Variants in CCDC150 observed in about 807,000 individuals in gnomAD.
CCDC150 encodes coiled-coil domain-containing protein 150.
A neutral mutation model predicts 156.5 loss-of-function variants in CCDC150; 151 were observed. The observed-to-expected ratio is 0.97, with a 90% CI of 0.85 to 1.10. The LOEUF (loss-of-function observed/expected upper bound fraction) is 1.10. Among genes scored for constraint, CCDC150 ranks in the 50% least tolerant of loss-of-function variants. The probability of loss-of-function intolerance (pLI) is 0.00; values close to 1 mark genes in which losing one functional copy is unlikely to be tolerated. For missense variants in CCDC150, 1,312 were observed against 1,268.1 expected (o/e 1.03, Z -0.53); for synonymous variants, 452 against 429.4 (o/e 1.05, Z -0.65).
At chr2:196,686,938 C>A (rs1240682126) in intron 13 of CCDC150, among the ~76,000 whole-genome samples, 1 of 152,172 alleles carries the variant, frequency 6.6e-6, no homozygotes, top group Non-Finnish European at 1.5e-5. Context: ...AGGACGTGAT[C>A]TCATTCTTTT....
At chr2:196,666,907 A>G in intron 7 of CCDC150, 59 bp downstream of exon 7, 1 of 1,586,726 alleles carries the variant, frequency 6.3e-7, no homozygotes, top group South Asian at 1.1e-5. Context: ...TTCATGGAAA[A>G]ACTCTTAAGA....
At chr2:196,670,930 GC>G (rs1439416317) in intron 8 of CCDC150, among the ~76,000 whole-genome samples, 1 of 152,074 alleles carries the variant, frequency 6.6e-6, no homozygotes, top group Non-Finnish European at 1.5e-5. Context: ...AATACCTTCT[GC>G]CCCTATTCAT....
At chr2:196,730,322 T>G (rs537496637) in intron 25 of CCDC150, among the ~76,000 whole-genome samples, 5 of 152,238 alleles carry the variant, frequency 3.3e-5, no homozygotes, top group Non-Finnish European at 7.3e-5. Context: ...ATTTTCAGTT[T>G]AATAAAAGTA....
At chr2:196,729,910 A>C (rs748237914) in intron 24 of CCDC150, 47 bp from the exon 25 acceptor site, 3 of 1,605,886 alleles carry the variant, frequency 1.9e-6, no homozygotes, top group Non-Finnish European at 2.6e-6. Context: ...CAAAATCTCA[A>C]ACTTGGAGGG....
rs1698588282 is a variant in CCDC150 at position 196,732,699 on chromosome 2, T to G, written c.*137T>G. 3 of 628,984 alleles carry G rather than the reference T, an allele frequency of 4.8e-6. No individual in the cohort carries two copies. The highest frequency in any genetic ancestry group is 8.5e-6 in the Non-Finnish European group (3 of 352,700). The allele number at this position is 628,984 out of a possible 1,614,324, so 39.0% of individuals were successfully genotyped here. A position where few individuals can be genotyped will look rare whatever the true frequency, so the allele number is the denominator to read the frequency against. Reference sequence around the variant, plus strand: ...GGGCTGAAGATTTTGGACCTGAGTTTATCACTTTATGAACTCTTATATCAG... The same window carrying G: ...GGGCTGAAGATTTTGGACCTGAGTTGATCACTTTATGAACTCTTATATCAG... On this transcript the variant is annotated 3_prime_UTR_variant, in exon 28 of 28. Transcript: ENST00000389175.
chr2:196,686,116 C>A, intron 13 of CCDC150: 1 of 203,586 alleles, frequency 4.9e-6, no homozygotes, highest in Non-Finnish European at 1.0e-5. Context: ...CTTTTACACT[C>A]ATTCCCACAG....
At chr2:196,724,561 T>C (rs1329371282) in intron 21 of CCDC150, among the ~76,000 whole-genome samples, 2 of 152,130 alleles carry the variant, frequency 1.3e-5, no homozygotes, top group Non-Finnish European at 2.9e-5. Flanking sequence ...GTTACTGTTG[T>C]TATTCCCATT....
chr2:196,680,352 G>A (rs1056572943), intron 13 of CCDC150, among the ~76,000 whole-genome samples: 65 of 151,676 alleles, frequency 4.3e-4, no homozygotes, highest in Admixed American at 1.3e-4. Flanking sequence ...GCTGCAGGGC[G>A]GTGACACAAT....
At chr2:196,677,039 G>C in intron 12 of CCDC150, 2 of 681,258 alleles carry the variant, frequency 2.9e-6, no homozygotes, top group African/African-American at 1.8e-5. Flanking sequence ...CGAAGGTTAA[G>C]GGGGAACAGC....
chr2:196,640,990 C>T (rs1575732829), intron 1 of CCDC150, among the ~76,000 whole-genome samples: 1 of 151,668 alleles, frequency 6.6e-6, no homozygotes, highest in Non-Finnish European at 1.5e-5. Context: ...TTTTTTGAAA[C>T]GGAGTCTCGC....
chr2:196,672,724 T>C (rs946902815), intron 9 of CCDC150, among the ~76,000 whole-genome samples: 2 of 152,208 alleles, frequency 1.3e-5, no homozygotes, highest in African/African-American at 4.8e-5. Context: ...ATTAAATATA[T>C]GTATTTCCCC....
At chr2:196,698,787 C>G (rs1695983883) in intron 14 of CCDC150, among the ~76,000 whole-genome samples, 1 of 152,048 alleles carries the variant, frequency 6.6e-6, no homozygotes, top group African/African-American at 2.4e-5. Context: ...TGTGCTGCAC[C>G]CATTAACTCG....
rs748257358 is a variant in CCDC150 at position 196,658,862 on chromosome 2, T to G, written c.645+2T>G. The G allele has an allele frequency of 1.9e-6, 3 of 1,593,934 alleles. No homozygotes were observed. In the South Asian group the frequency reaches 3.4e-5, roughly 18 times the overall value. The stretch of plus-strand genomic sequence containing the variant: ...AAAATGAACCTTAAAATTCAAGAGG[T>G]AAGACAAAAAGATGGAGGGTGGAGG... On this transcript the variant is annotated splice_donor_variant, in intron 5 of 27. Transcript: ENST00000389175. LOFTEE classifies it high-confidence loss of function.
At chr2:196,648,692 T>C (rs1018116880) in intron 2 of CCDC150, among the ~76,000 whole-genome samples, 1 of 152,194 alleles carries the variant, frequency 6.6e-6, no homozygotes, top group East Asian at 1.9e-4. Context: ...TTGGGAGTCA[T>C]ATCCAAGAAA....
rs1228269062 is a variant in CCDC150 at position 196,718,599 on chromosome 2, C to G, written c.1963C>G (p.Leu655Val). Residue 655 changes from leucine to valine, a missense_variant, in exon 18 of 28, where the codon CTC (leucine) becomes GTC (valine). Transcript: ENST00000389175. ...LKESQKLKED[L>V]EAVEDRENKK... Reference sequence around the variant, plus strand: ...AGAGAGTCAGAAGTTGAAAGAAGACCTCGAGGCTGTGGAGGACAGGGAAAA... The same window carrying G: ...AGAGAGTCAGAAGTTGAAAGAAGACGTCGAGGCTGTGGAGGACAGGGAAAA... 4 of 1,613,590 alleles carry G rather than the reference C, an allele frequency of 2.5e-6. No individual in the cohort carries two copies. The South Asian group carries it at 4.4e-5, about 18-fold the overall frequency.
Position 196,657,005 on chromosome 2 carries a change from G to T in CCDC150, c.445G>T (p.Asp149Tyr). 6.2e-7 allele frequency: 1 copy of T among 1,613,626 alleles called. No homozygotes were observed. The highest frequency in any genetic ancestry group is 8.5e-7 in the Non-Finnish European group (1 of 1,179,744). Residue 149 changes from aspartate (D) to tyrosine (Y), a missense_variant, in exon 4 of 28, where the codon GAC becomes TAC. Physicochemically the swap from Asp to Tyr is radical, Grantham distance 160. Coordinates refer to ENST00000389175, the MANE Select transcript of CCDC150 (RefSeq NM_001080539.2). Reference protein sequence around the residue: ...LNAIQEEHSKDLKLLHLEVMN... With the variant: ...LNAIQEEHSKYLKLLHLEVMN... ...TGCAATACAGGAAGAGCATTCTAAGGACCTGAAGCTGTTGCATCTCGAAGT... is the reference window on the plus strand; with the variant it reads ...TGCAATACAGGAAGAGCATTCTAAGTACCTGAAGCTGTTGCATCTCGAAGT...
intron 9 of CCDC150, among the ~76,000 whole-genome samples, chr2:196,673,149 G>C (rs183078940): frequency 6.6e-6 from 1 of 152,072 alleles, no homozygotes; most frequent in African/African-American, 2.4e-5. Flanking sequence ...ACTAATAGTA[G>C]GTAACATTTT....
chr2:196,647,424 T>C (rs1692612088), intron 2 of CCDC150, among the ~76,000 whole-genome samples: 1 of 152,116 alleles, frequency 6.6e-6, no homozygotes, highest in South Asian at 2.1e-4. Flanking sequence ...ATATTTAACA[T>C]ATTTTATCAC....
At chr2:196,699,798 G>C (rs1696086215) in intron 14 of CCDC150, among the ~76,000 whole-genome samples, 1 of 152,192 alleles carries the variant, frequency 6.6e-6, no homozygotes, top group Admixed American at 6.5e-5. Flanking sequence ...GGGATTACAA[G>C]TGTGAGCCAC....
Sources: allele counts gnomAD v4.1 joint callset (sites outside exome capture counted in the v4.1 genomes callset), GRCh38; gene constraint gnomAD v4.1.1; transcripts MANE v1.5; gene names NCBI Gene and HGNC (gene_info 2026-07-23, HGNC 2026-07-21).